MEGF11: variants seen among roughly 807,000 people sequenced by gnomAD.
MEGF11 encodes the protein multiple epidermal growth factor-like domains protein 11.
MEGF11 carries 126 observed loss-of-function variants against 146.6 expected under a neutral mutation model. The observed-to-expected ratio is 0.86, with a 90% confidence interval of 0.74 to 1.00. The LOEUF is 1.00. Ranked by LOEUF, MEGF11 falls within the 50% of genes least tolerant of loss-of-function variation. The pLI, the probability that MEGF11 is intolerant of heterozygous loss-of-function variation, is 0.00. For missense variants in MEGF11, 1,509 were observed against 1,521.2 expected (o/e 0.99, Z 0.13); for synonymous variants, 532 against 583.4 (o/e 0.91, Z 1.27).
rs912422989 is a variant in MEGF11, at chr15:66,253,724, G to GGCGGGCA, written c.-135_-129dup. The GGCGGGCA allele has an allele frequency of 6.6e-6, 1 of 152,312 alleles. No homozygotes were observed. Among genetic ancestry groups the GGCGGGCA allele is most frequent in the Admixed American group, 6.5e-5 (1 of 15,270 alleles). 9.4% of individuals were successfully genotyped at this position (152,312 alleles called of 1,614,324 possible). ...GGCCGCGAGCAGCCGGGAGCCGGGC[G>GGCGGGCA]GCGGGCAGCGGGCACCGGGAGCGAC... On this transcript the variant is annotated 5_prime_UTR_variant, in exon 1 of 26. Coordinates refer to ENST00000395614, the MANE Select transcript of MEGF11 (RefSeq NM_001385028.1).
At chr15:65,966,379 C>T (rs1363867749) in intron 8 of MEGF11, among the ~76,000 whole-genome samples, 3 of 152,180 alleles carry the variant, frequency 2.0e-5, no homozygotes, top group Non-Finnish European at 4.4e-5. Flanking sequence ...TCATTCTTTG[C>T]AGCATATGAA....
chr15:66,253,195 C>G (rs1371634296), intron 1 of MEGF11, among the ~76,000 whole-genome samples: 1 of 152,148 alleles, frequency 6.6e-6, no homozygotes, highest in East Asian at 1.9e-4. Context: ...GCCGGCGCAC[C>G]CGGGGCGGCT....
intron 4 of MEGF11, among the ~76,000 whole-genome samples, chr15:66,096,254 G>A (rs775411643): frequency 6.6e-6 from 1 of 152,250 alleles, no homozygotes; most frequent in African/African-American, 2.4e-5. Context: ...TTTTCTGACT[G>A]CAGAGAGCAG....
At chr15:66,204,904 G>C (rs530579415) in intron 1 of MEGF11, among the ~76,000 whole-genome samples, 2 of 151,498 alleles carry the variant, frequency 1.3e-5, no homozygotes, top group East Asian at 3.9e-4. Flanking sequence ...ACTGTGAAAG[G>C]TAGAGGGAAG....
intron 5 of MEGF11, among the ~76,000 whole-genome samples, chr15:66,030,221 T>C (rs1429175328): frequency 2.0e-5 from 3 of 152,160 alleles, no homozygotes; most frequent in Non-Finnish European, 4.4e-5. Flanking sequence ...AAATGGCAGG[T>C]ATTCACATGA....
At chr15:65,965,153 G>A (rs1220771918) in intron 8 of MEGF11, 33 bp from the exon 9 acceptor site, 3 of 1,516,728 alleles carry the variant, frequency 2.0e-6, no homozygotes, top group East Asian at 4.8e-5. Flanking sequence ...TGAGGCTGTG[G>A]GCCAGGATCC....
chr15:66,033,304 G>A (rs781625576), intron 5 of MEGF11, among the ~76,000 whole-genome samples: 22 of 152,132 alleles, frequency 1.4e-4, no homozygotes, highest in Admixed American at 5.9e-4. Context: ...TCCCATAACA[G>A]GCCCCGAGCT....
At chr15:66,236,803 A>T (rs1286786138) in intron 1 of MEGF11, among the ~76,000 whole-genome samples, 1 of 151,998 alleles carries the variant, frequency 6.6e-6, no homozygotes, top group Non-Finnish European at 1.5e-5. Context: ...GTTTGGGGAG[A>T]ACACAACCCA....
intron 5 of MEGF11, among the ~76,000 whole-genome samples, chr15:66,011,816 G>A (rs1837716655): frequency 2.0e-5 from 3 of 152,006 alleles, no homozygotes; most frequent in African/African-American, 7.3e-5. Flanking sequence ...AGAATACTAT[G>A]CAGCCATTCA....
chr15:66,181,306 C>T (rs377487859), intron 1 of MEGF11, among the ~76,000 whole-genome samples: 7 of 152,268 alleles, frequency 4.6e-5, no homozygotes, highest in East Asian at 1.9e-4. Context: ...GGCACAATCA[C>T]GGCTCACACG....
chr15:66,121,546 A>G (rs1050628510), intron 3 of MEGF11, among the ~76,000 whole-genome samples: 1 of 152,208 alleles, frequency 6.6e-6, no homozygotes, highest in African/African-American at 2.4e-5. Flanking sequence ...AAGAGAAGGG[A>G]ATGGTCCTGG....
At position 65,971,970 on chromosome 15, in the gene MEGF11, A is replaced by G. The variant is rs74023631; in HGVS notation, c.763-1281T>C. On this transcript the variant is annotated intron_variant, in intron 7 of 25. Coordinates refer to ENST00000395614, the MANE Select transcript of MEGF11 (RefSeq NM_001385028.1). ...GCTATAAGAAAACATTGCACCTATG[A>G]AAGAACAGAGTGCTATAAAATAGGA... Among the ~76,000 whole-genome samples, 1,426 of 152,342 alleles carry G rather than the reference A, an allele frequency of 9.4e-3. 21 individuals carry two copies. The highest frequency in any genetic ancestry group is 0.031 in the African/African-American group (1,281 of 41,576).
chr15:66,192,014 T>C (rs1288097964), intron 1 of MEGF11, among the ~76,000 whole-genome samples: 1 of 151,224 alleles, frequency 6.6e-6, no homozygotes, highest in African/African-American at 2.4e-5. Context: ...GGAGGCGGAG[T>C]CTGCAGTGAG....
chr15:66,139,449 A>C (rs1275705968), intron 1 of MEGF11, among the ~76,000 whole-genome samples: 2 of 152,228 alleles, frequency 1.3e-5, no homozygotes, highest in Admixed American at 1.3e-4. Flanking sequence ...AGAGCATTAC[A>C]CAAAGACTCT....
At chr15:66,168,901 T>C (rs2090169754) in intron 1 of MEGF11, among the ~76,000 whole-genome samples, 1 of 152,176 alleles carries the variant, frequency 6.6e-6, no homozygotes. Flanking sequence ...GGCAGGAGAA[T>C]TGCTTGAACC....
intron 9 of MEGF11, among the ~76,000 whole-genome samples, chr15:65,958,161 G>T (rs78168532): frequency 0.099 from 15,110 of 152,296 alleles, 956 homozygotes; most frequent in Middle Eastern, 0.2. Flanking sequence ...TGATACCCCA[G>T]TGGCTCTCCA....
intron 5 of MEGF11, among the ~76,000 whole-genome samples, chr15:66,054,132 G>T (rs73483408): frequency 1.3e-5 from 2 of 152,080 alleles, no homozygotes; most frequent in Non-Finnish European, 2.9e-5. Context: ...GCTCTGCTCA[G>T]TTCCCTGAAG....
At position 66,125,146 on chromosome 15, in the gene MEGF11, T is replaced by C. The variant is rs1403518023; in HGVS notation, c.99-1146A>G. On this transcript the variant is annotated intron_variant, in intron 2 of 25. Coordinates refer to ENST00000395614, the MANE Select transcript of MEGF11 (RefSeq NM_001385028.1). ...TCCAGAAGGAGGAGGCCAAAAGCAG[T>C]CAACAATGCTCAGAGGCCTGGGTGG... Among the ~76,000 whole-genome samples the C allele has an allele frequency of 3.8e-4, 58 of 151,976 alleles. 1 individual carries two copies. The highest frequency in any genetic ancestry group is 3.8e-3 in the Admixed American group (58 of 15,268).
intron 21 of MEGF11, 40 bp from the exon 22 acceptor site, chr15:65,909,846 C>T (rs766836944): frequency 1.2e-4 from 187 of 1,506,658 alleles, no homozygotes; most frequent in Non-Finnish European, 1.6e-4. Context: ...ATCTAGTGCC[C>T]CAGGTACCCC....
Sources: allele counts gnomAD v4.1 joint callset (sites outside exome capture counted in the v4.1 genomes callset), GRCh38; gene constraint gnomAD v4.1.1; transcripts MANE v1.5; gene names NCBI Gene and HGNC (gene_info 2026-07-23, HGNC 2026-07-21).